The following BABAM2 variants were observed in gnomAD, a reference collection of about 807,000 sequenced individuals.
BABAM2 encodes BRISC and BRCA1-A complex member 2.
In BABAM2, 31 loss-of-function variants were observed where a neutral mutation model predicts 54.7. The ratio of observed to expected loss-of-function variants is 0.57; its 90% CI spans 0.43 to 0.77. BABAM2 has a LOEUF of 0.77. Among genes scored for constraint, BABAM2 ranks in the 30% least tolerant of loss-of-function variants. BABAM2 has a pLI of 0.00. For synonymous variants in BABAM2, 167 were observed against 162.9 expected (o/e 1.03, Z -0.19); for missense variants, 364 against 455.8 (o/e 0.80, Z 1.83).
At chr2:28,309,187 CCT>C (rs1338729035) in intron 11 of BABAM2, 1 of 152,200 alleles carries the variant, frequency 6.6e-6, no homozygotes, top group Non-Finnish European at 1.5e-5. Flanking sequence ...GACTGAGGCC[CCT>C]GTTACCTTGC....
chr2:28,135,233 A>G (rs1443899036), intron 7 of BABAM2, among the ~76,000 whole-genome samples: 1 of 152,224 alleles, frequency 6.6e-6, no homozygotes, highest in African/African-American at 2.4e-5. Context: ...TAAATATGCA[A>G]TACTGTAACA....
chr2:28,278,809 C>T (rs181902080), intron 10 of BABAM2, among the ~76,000 whole-genome samples: 6 of 152,184 alleles, frequency 3.9e-5, no homozygotes, highest in South Asian at 2.1e-4. Context: ...GAGGGCACCA[C>T]GAAGGCAGCA....
At chr2:28,107,955 A>G (rs1343899281) in intron 6 of BABAM2, among the ~76,000 whole-genome samples, 1 of 152,228 alleles carries the variant, frequency 6.6e-6, no homozygotes, top group Non-Finnish European at 1.5e-5. Context: ...AGAATCAGCA[A>G]CATCCATTGC....
At chr2:27,895,841 T>G (rs1332276541) in intron 2 of BABAM2, among the ~76,000 whole-genome samples, 1 of 152,202 alleles carries the variant, frequency 6.6e-6, no homozygotes, top group Non-Finnish European at 1.5e-5. Context: ...TTCCTTCTCC[T>G]TCAGTTATTT....
chr2:28,171,112 A>ATAT (rs1558403215), intron 7 of BABAM2, among the ~76,000 whole-genome samples: 29 of 148,790 alleles, frequency 1.9e-4, no homozygotes, highest in Non-Finnish European at 3.4e-4. Context: ...TGCTTTTTAA[A>ATAT]ATATATATAT....
intron 7 of BABAM2, among the ~76,000 whole-genome samples, chr2:28,228,145 G>T (rs898464440): frequency 1.1e-4 from 17 of 152,168 alleles, no homozygotes; most frequent in Non-Finnish European, 1.5e-5. Context: ...TCATCTTCTG[G>T]TATCTTTTCA....
At chr2:28,093,533 A>G (rs1357612323) in intron 6 of BABAM2, among the ~76,000 whole-genome samples, 2 of 152,166 alleles carry the variant, frequency 1.3e-5, no homozygotes, top group African/African-American at 2.4e-5. Flanking sequence ...CTGCATGGCC[A>G]TACCCTGCTT....
chr2:28,184,023 A>C (rs951111022), intron 7 of BABAM2, among the ~76,000 whole-genome samples: 1 of 152,178 alleles, frequency 6.6e-6, no homozygotes, highest in Non-Finnish European at 1.5e-5. Flanking sequence ...TTGAACAATG[A>C]AAGTTTGCAT....
Position 28,329,286 on chromosome 2 carries a change from G to A in BABAM2, c.1089-9164G>A, listed in dbSNP as rs1022809969. ...CACTTTTTGCTCGGGGCTCTGCAGC[G>A]TTCACTAACCCTACCCCATTTGTAT... On this transcript the variant is annotated intron_variant, in intron 11 of 11. Coordinates refer to ENST00000379624, the MANE Select transcript of BABAM2 (RefSeq NM_199191.3). This position sits in a 1 kb window ranked among gnomAD's most constrained non-coding sequence, Gnocchi z 4.2. Among the ~76,000 whole-genome samples the A allele has an allele frequency of 6.6e-6, 1 of 152,142 alleles. No individual in the cohort carries two copies. Among genetic ancestry groups the A allele is most frequent in the African/African-American group, 2.4e-5 (1 of 41,424 alleles).
intron 2 of BABAM2, among the ~76,000 whole-genome samples, chr2:27,925,059 C>G (rs1366140763): frequency 6.6e-6 from 1 of 152,198 alleles, no homozygotes; most frequent in Non-Finnish European, 1.5e-5. Context: ...AGAATCCCTG[C>G]ACCTAACTGG....
At chr2:28,142,949 T>C (rs1671186474) in intron 7 of BABAM2, among the ~76,000 whole-genome samples, 1 of 151,828 alleles carries the variant, frequency 6.6e-6, no homozygotes, top group Admixed American at 6.6e-5. Flanking sequence ...TTTTGGTGAT[T>C]GGTCTTTGTT....
chr2:28,136,731 T>C (rs906943071), intron 7 of BABAM2, among the ~76,000 whole-genome samples: 4 of 152,100 alleles, frequency 2.6e-5, no homozygotes, highest in Admixed American at 6.5e-5. Flanking sequence ...CAGCCTCCCC[T>C]CCCCTGCCTT....
At chr2:27,923,840 C>T (rs1465498728) in intron 2 of BABAM2, among the ~76,000 whole-genome samples, 1 of 151,868 alleles carries the variant, frequency 6.6e-6, no homozygotes, top group African/African-American at 2.4e-5. Flanking sequence ...AGTGTGGTGG[C>T]ATGTGCCTGT....
chr2:28,019,585 G>T (rs6725627), intron 4 of BABAM2, among the ~76,000 whole-genome samples: 26,474 of 152,086 alleles, frequency 0.17, 3,651 homozygotes, highest in East Asian at 0.62. Context: ...ATGTCTAGAA[G>T]GGTTTTTCCT....
At chr2:28,049,038 G>A (rs973772239) in intron 6 of BABAM2, among the ~76,000 whole-genome samples, 18 of 152,188 alleles carry the variant, frequency 1.2e-4, no homozygotes, top group African/African-American at 4.3e-4. Flanking sequence ...TAAAGAAAAG[G>A]TTTGAATTGT....
chr2:28,089,692 G>A (rs1665995829), intron 6 of BABAM2, among the ~76,000 whole-genome samples: 1 of 152,176 alleles, frequency 6.6e-6, no homozygotes, highest in Non-Finnish European at 1.5e-5. Flanking sequence ...CTTCAATAAA[G>A]GTCCTCTGAT....
At position 28,298,486 on chromosome 2, in the gene BABAM2, A is replaced by G. The variant is rs1687869725; in HGVS notation, c.1083A>G (p.Arg361=). 1 of 1,613,928 alleles carries G rather than the reference A, an allele frequency of 6.2e-7. No homozygotes were observed. The highest frequency in any genetic ancestry group is 1.7e-5 in the Admixed American group (1 of 59,958). The change falls in exon 11 of 12, where the codon AGA becomes AGG. Residue 361 remains arginine, a synonymous_variant. Coordinates refer to ENST00000379624, the MANE Select transcript of BABAM2 (RefSeq NM_199191.3). ...PRWDGNEMAK[R]AKAYFKTFVP... ...GGGATGGAAATGAAATGGCCAAAAG[A>G]GCAAAGTAAGTGAATCTGTCGTTAT...
At chr2:27,889,988 G>C, upstream of BABAM2, 1 of 361,784 alleles carries the variant, frequency 2.8e-6, no homozygotes, top group Non-Finnish European at 5.0e-6. Flanking sequence ...AGTCTTTGGA[G>C]GGCAGGTCTT....
At chr2:27,899,671 T>C (rs1665629896) in intron 2 of BABAM2, among the ~76,000 whole-genome samples, 1 of 152,116 alleles carries the variant, frequency 6.6e-6, no homozygotes, top group African/African-American at 2.4e-5. Flanking sequence ...TTCATCATCT[T>C]GGCTAGGTTG....
Sources: gnomAD v4.1 joint callset for allele counts (sites outside exome capture counted in the v4.1 genomes callset) on GRCh38, gnomAD v4.1.1 for gene constraint, Gnocchi (gnomAD v3.1) non-coding constraint, MANE v1.5 for transcripts, NCBI Gene and HGNC (gene_info 2026-07-23, HGNC 2026-07-21) for gene names.